The following CAB39 variants were observed in gnomAD, a reference collection of about 807,000 sequenced individuals.
The protein encoded by CAB39 is calcium-binding protein 39.
CAB39 carries 8 observed loss-of-function variants against 40.0 expected under a neutral mutation model. The observed-to-expected ratio is 0.20, with a 90% confidence interval of 0.12 to 0.36. The LOEUF is 0.36. Ranked by LOEUF, CAB39 falls within the 10% of genes least tolerant of loss-of-function variation. The probability of loss-of-function intolerance (pLI) is 1.00; values close to 1 mark genes in which losing one functional copy is unlikely to be tolerated. For missense variants in CAB39, 270 were observed against 401.1 expected, an observed-to-expected ratio of 0.67 and a Z score of 2.79; for synonymous variants, 156 against 141.6, an observed-to-expected ratio of 1.10 and a Z score of -0.72.
intron 2 of CAB39, among the ~76,000 whole-genome samples, chr2:230,769,532 C>T (rs1695446772): frequency 6.6e-6 from 1 of 152,156 alleles, no homozygotes; most frequent in Admixed American, 6.5e-5. Context: ...GGTCTCAGTA[C>T]ATTTTAAAGG....
At chr2:230,815,112 G>A (rs368182117) in intron 7 of CAB39, among the ~76,000 whole-genome samples, 1 of 152,204 alleles carries the variant, frequency 6.6e-6, no homozygotes, top group Non-Finnish European at 1.5e-5. Flanking sequence ...GGAATACTTT[G>A]TGTCCTTTGA....
At chr2:230,715,261 A>G (rs1285493690) in intron 1 of CAB39, among the ~76,000 whole-genome samples, 1 of 152,228 alleles carries the variant, frequency 6.6e-6, no homozygotes, top group Non-Finnish European at 1.5e-5. Context: ...ACCTCAGATG[A>G]AATGCAGTAG....
chr2:230,766,093 G>A (rs917336871), intron 2 of CAB39, among the ~76,000 whole-genome samples: 6 of 152,086 alleles, frequency 3.9e-5, no homozygotes, highest in South Asian at 4.2e-4. Flanking sequence ...TGCAAATAAC[G>A]AAGAGAGTAC....
chr2:230,715,447 A>T (rs374579916), intron 1 of CAB39, among the ~76,000 whole-genome samples: 2 of 152,332 alleles, frequency 1.3e-5, no homozygotes, highest in African/African-American at 4.8e-5. Flanking sequence ...TCTCTGCTAT[A>T]GGAGTGAATG....
At chr2:230,766,478 C>T (rs1196483152) in intron 2 of CAB39, among the ~76,000 whole-genome samples, 1 of 152,188 alleles carries the variant, frequency 6.6e-6, no homozygotes, top group Admixed American at 6.5e-5. Context: ...CCAAGCCATT[C>T]ATGAGGGATC....
At chr2:230,777,752 G>A (rs1695619638) in intron 2 of CAB39, among the ~76,000 whole-genome samples, 1 of 152,046 alleles carries the variant, frequency 6.6e-6, no homozygotes. Flanking sequence ...CATTTTATGG[G>A]TACGTAATGA....
rs1696457474 is a variant in CAB39, at chr2:230,819,098, C to T, written c.*394C>T. 6.3e-6 allele frequency: 1 copy of T among 157,492 alleles called. No homozygotes were observed. Among genetic ancestry groups the T allele is most frequent in the Non-Finnish European group, 1.4e-5 (1 of 71,230 alleles). The allele number at this position is 157,492 out of a possible 1,614,324, so 9.8% of individuals were successfully genotyped here. On this transcript the variant is annotated 3_prime_UTR_variant, in exon 9 of 9. Coordinates refer to ENST00000258418, the MANE Select transcript of CAB39 (RefSeq NM_016289.4). ...TGCAGTGTGGCAAGTGCACACCTGG[C>T]ATCCCTGCGTCAGATCGCGCACCTT...
intron 1 of CAB39, among the ~76,000 whole-genome samples, chr2:230,731,492 T>C (rs924725227): frequency 1.5e-4 from 23 of 152,224 alleles, no homozygotes; most frequent in African/African-American, 5.3e-4. Context: ...CTGAAAATTA[T>C]TGGATTTTAT....
At chr2:230,754,872 T>C (rs1237821963) in intron 1 of CAB39, among the ~76,000 whole-genome samples, 2 of 152,168 alleles carry the variant, frequency 1.3e-5, no homozygotes, top group Non-Finnish European at 2.9e-5. Flanking sequence ...CAAAGTCCAT[T>C]GTATCATTCT....
chr2:230,760,202 G>T, intron 2 of CAB39, 87 bp downstream of exon 2: 1 of 735,102 alleles, frequency 1.4e-6, no homozygotes, highest in South Asian at 2.0e-5. Flanking sequence ...GTCCCAATTT[G>T]GGTTTATTTT....
chr2:230,819,023 A>G lies in CAB39; in HGVS notation c.*319A>G, dbSNP rs754500586. The G allele has an allele frequency of 2.6e-4, 69 of 260,486 alleles. No homozygotes were observed. The highest frequency in any genetic ancestry group is 4.0e-4 in the Non-Finnish European group (53 of 132,426). 16.1% of individuals were successfully genotyped at this position (260,486 alleles called of 1,614,324 possible). A position where few individuals can be genotyped will look rare whatever the true frequency, so the allele number is the denominator to read the frequency against. ...GTGTGGTTTAGGAAAGAGGGCACTG[A>G]TATCAGATTAGACCTATGTGTTTGC... On this transcript the variant is annotated 3_prime_UTR_variant, in exon 9 of 9. Transcript: ENST00000258418.
At chr2:230,774,021 GTA>G (rs1190385056) in intron 2 of CAB39, among the ~76,000 whole-genome samples, 2 of 152,092 alleles carry the variant, frequency 1.3e-5, no homozygotes, top group African/African-American at 4.8e-5. Flanking sequence ...AGGTGCCTTT[GTA>G]TAGAGTCCCC....
At chr2:230,765,417 G>A (rs2124925454) in intron 2 of CAB39, among the ~76,000 whole-genome samples, 1 of 152,274 alleles carries the variant, frequency 6.6e-6, no homozygotes, top group Non-Finnish European at 1.5e-5. Context: ...AAACAGCCTT[G>A]ACCTTACAGA....
chr2:230,784,826 G>A (rs371120559), intron 2 of CAB39, among the ~76,000 whole-genome samples: 3 of 152,168 alleles, frequency 2.0e-5, no homozygotes, highest in African/African-American at 7.2e-5. Context: ...GTCTGGCCAC[G>A]AGAGCACACC....
intron 4 of CAB39, among the ~76,000 whole-genome samples, chr2:230,794,357 A>G (rs1695943618): frequency 6.6e-6 from 1 of 152,216 alleles, no homozygotes; most frequent in South Asian, 2.1e-4. Context: ...GTGTTGTATC[A>G]ATTCAGAGTT....
Position 230,818,847 on chromosome 2 carries a change from C to G in CAB39, c.*143C>G, listed in dbSNP as rs1278128090. On this transcript the variant is annotated 3_prime_UTR_variant, in exon 9 of 9. Coordinates refer to ENST00000258418, the MANE Select transcript of CAB39 (RefSeq NM_016289.4). ...TTTTTCATTTTACCCTTTTGTTTTT[C>G]AGTCCAGGTTGGAGATCGTAGCTGC... 5 of 669,006 alleles carry G rather than the reference C, an allele frequency of 7.5e-6. No individual in the cohort carries two copies. Among genetic ancestry groups the G allele is most frequent in the Non-Finnish European group, 1.3e-5 (5 of 399,400 alleles). 41.4% of individuals were successfully genotyped at this position (669,006 alleles called of 1,614,324 possible). A position where few individuals can be genotyped will look rare whatever the true frequency, so the allele number is the denominator to read the frequency against.
chr2:230,782,869 G>A (rs899494885), intron 2 of CAB39, among the ~76,000 whole-genome samples: 2 of 140,688 alleles, frequency 1.4e-5, no homozygotes. Flanking sequence ...CGCCCAGGCT[G>A]GAGTGCAGTG....
At chr2:230,789,407 G>A (rs369906760) in intron 2 of CAB39, among the ~76,000 whole-genome samples, 13 of 152,220 alleles carry the variant, frequency 8.5e-5, no homozygotes, top group South Asian at 2.1e-4. Flanking sequence ...CTTATTAGTC[G>A]TGTTTTCCGG....
At chr2:230,780,730 A>G (rs913626163) in intron 2 of CAB39, among the ~76,000 whole-genome samples, 4 of 152,206 alleles carry the variant, frequency 2.6e-5, no homozygotes, top group Non-Finnish European at 5.9e-5. Context: ...ATGGTCAGTA[A>G]CATCATTTGG....
Sources: allele counts gnomAD v4.1 joint callset (sites outside exome capture counted in the v4.1 genomes callset), GRCh38; gene constraint gnomAD v4.1.1; transcripts MANE v1.5; gene names NCBI Gene and HGNC (gene_info 2026-07-23, HGNC 2026-07-21).